Variants in DSCAML1 observed in about 807,000 individuals in gnomAD.
The protein encoded by DSCAML1 is DS cell adhesion molecule like 1.
DSCAML1 carries 38 observed loss-of-function variants against 200.5 expected under a neutral mutation model. That is an observed-to-expected ratio of 0.19 (90% CI 0.15 to 0.25). The LOEUF (loss-of-function observed/expected upper bound fraction) is 0.25, where lower values mean the gene tolerates loss of function less well. Ranked by LOEUF, DSCAML1 falls within the 10% of genes least tolerant of loss-of-function variation. DSCAML1 has a pLI of 1.00. For synonymous variants in DSCAML1, 1,215 were observed against 1,165.0 expected (o/e 1.04, Z -0.87); for missense variants, 2,223 against 2,858.8 (o/e 0.78, Z 5.07).
intron 3 of DSCAML1, among the ~76,000 whole-genome samples, chr11:117,568,970 T>G (rs1031389919): frequency 6.6e-6 from 1 of 152,104 alleles, no homozygotes; most frequent in Non-Finnish European, 1.5e-5. Context: ...CTTCAAACTA[T>G]ACTACAAGGC....
chr11:117,721,684 T>C (rs2054043378), intron 3 of DSCAML1, among the ~76,000 whole-genome samples: 1 of 147,748 alleles, frequency 6.8e-6, no homozygotes, highest in South Asian at 2.1e-4. Context: ...TATATAAGCA[T>C]ATATTTATAT....
chr11:117,511,760 ATGTTGCCTTACGGGAGGGCCC>A (rs2049622775), intron 8 of DSCAML1, among the ~76,000 whole-genome samples: 1 of 152,234 alleles, frequency 6.6e-6, no homozygotes, highest in Non-Finnish European at 1.5e-5. Context: ...GGGCTCAGGA[ATGTTGCCTTACGGGAGGGCCC>A]TGGTGGACAA....
chr11:117,759,100 G>A (rs912060612), intron 3 of DSCAML1, among the ~76,000 whole-genome samples: 2 of 152,190 alleles, frequency 1.3e-5, no homozygotes, highest in African/African-American at 4.8e-5. Context: ...ACCCTGTTGA[G>A]AATGAGACAG....
At chr11:117,814,167 T>C (rs1442712694) in intron 1 of DSCAML1, among the ~76,000 whole-genome samples, 3 of 150,670 alleles carry the variant, frequency 2.0e-5, no homozygotes, top group Non-Finnish European at 4.4e-5. Context: ...CCCCTTTGAC[T>C]GTAATTTTCC....
intron 3 of DSCAML1, among the ~76,000 whole-genome samples, chr11:117,561,536 C>T (rs1325159158): frequency 6.6e-6 from 1 of 152,222 alleles, no homozygotes; most frequent in African/African-American, 2.4e-5. Context: ...CCTTGCCTTG[C>T]TCCATCCACC....
chr11:117,688,628 C>T (rs1181861037), intron 3 of DSCAML1, among the ~76,000 whole-genome samples: 1 of 152,146 alleles, frequency 6.6e-6, no homozygotes, highest in Non-Finnish European at 1.5e-5. Flanking sequence ...TGACCTTGGG[C>T]AGGTCCCCCA....
chr11:117,810,738 C>G (rs1471980328), intron 1 of DSCAML1, among the ~76,000 whole-genome samples: 1 of 152,192 alleles, frequency 6.6e-6, no homozygotes, highest in Non-Finnish European at 1.5e-5. Flanking sequence ...TCAATTTTTC[C>G]ATCCTACAAG....
chr11:117,480,218 C>A lies in DSCAML1; in HGVS notation c.2785+225G>T, dbSNP rs2048883207. Among the ~76,000 whole-genome samples the A allele has an allele frequency of 6.6e-6, 1 of 152,220 alleles. No homozygotes were observed. Among genetic ancestry groups the A allele is most frequent in the East Asian group, 1.9e-4 (1 of 5,188 alleles). On this transcript the variant is annotated intron_variant, in intron 14 of 32. Coordinates refer to ENST00000651296, the MANE Select transcript of DSCAML1 (RefSeq NM_020693.4). The surrounding 1 kb of genome is among the most constrained non-coding windows in gnomAD (Gnocchi z 4.1). ...CAGTCCTGGAAAGGAGCTGACATCA[C>A]TACCCATCAACTGGGGGTCTCCATC...
Position 117,780,559 on chromosome 11 carries a change from C to T in DSCAML1, c.298G>A (p.Asp100Asn), listed in dbSNP as rs778963500. The T allele has an allele frequency of 6.5e-7, 1 of 1,547,714 alleles. No homozygotes were observed. Among genetic ancestry groups the T allele is most frequent in the Non-Finnish European group, 8.7e-7 (1 of 1,144,274 alleles). The change falls in exon 2 of 33, where the codon GAC (aspartate) becomes AAC (asparagine). Residue 100 changes from aspartate (D) to asparagine (N), a missense_variant. This residue lies in a region of DSCAML1 where 579 missense variants were observed against 721.5 expected (regional missense o/e 0.80). Coordinates refer to ENST00000651296, the MANE Select transcript of DSCAML1 (RefSeq NM_020693.4). This position sits in a 1 kb window ranked among gnomAD's most constrained non-coding sequence, Gnocchi z 4.8. The stretch of plus-strand genomic sequence containing the variant: ...GCGTTCTCCGCGGTGCAGAAGTAGT[C>T]ATTGTCGTGGATAAAGCTATTGAAG... ...SAFNSFIHDN[D>N]YFCTAENAAG...
At chr11:117,519,032 C>T (rs1217750893) in intron 6 of DSCAML1, among the ~76,000 whole-genome samples, 5 of 152,280 alleles carry the variant, frequency 3.3e-5, no homozygotes, top group African/African-American at 9.6e-5. Context: ...AGTCTTTTGT[C>T]TCATGGACGG....
At position 117,636,951 on chromosome 11, in the gene DSCAML1, A is replaced by G. The variant is rs146530860; in HGVS notation, c.512-104429T>C. ...GGAACTACTTCCAGAAGCTCCAGAT[A>G]AAATACACCCTGTTCATGAACACCT... On this transcript the variant is annotated intron_variant, in intron 3 of 32. Transcript: ENST00000651296. Among the ~76,000 whole-genome samples, 43 of 152,298 alleles carry G rather than the reference A, an allele frequency of 2.8e-4. 1 individual carries two copies. The highest frequency in any genetic ancestry group is 9.1e-4 in the African/African-American group (38 of 41,564).
intron 3 of DSCAML1, among the ~76,000 whole-genome samples, chr11:117,752,304 G>A (rs867957633): frequency 4.6e-5 from 7 of 152,312 alleles, no homozygotes; most frequent in East Asian, 3.9e-4. Flanking sequence ...GGGGTGGAAC[G>A]ACAATTTATG....
chr11:117,607,466 G>C (rs916386139), intron 3 of DSCAML1, among the ~76,000 whole-genome samples: 1 of 152,240 alleles, frequency 6.6e-6, no homozygotes, highest in Non-Finnish European at 1.5e-5. Flanking sequence ...ATGCACTGTT[G>C]TATCAGCCAG....
chr11:117,747,364 G>A (rs1435664376), intron 3 of DSCAML1, among the ~76,000 whole-genome samples: 1 of 152,190 alleles, frequency 6.6e-6, no homozygotes, highest in Non-Finnish European at 1.5e-5. Flanking sequence ...CTGGGCTGGG[G>A]TTGCTGAAGG....
At chr11:117,470,808 TA>T (rs1349577581) in intron 15 of DSCAML1, among the ~76,000 whole-genome samples, 1 of 152,178 alleles carries the variant, frequency 6.6e-6, no homozygotes, top group African/African-American at 2.4e-5. Flanking sequence ...TGAAAAAGCA[TA>T]AATGATATAG....
At chr11:117,741,863 C>A (rs2054428363) in intron 3 of DSCAML1, among the ~76,000 whole-genome samples, 1 of 152,162 alleles carries the variant, frequency 6.6e-6, no homozygotes, top group Non-Finnish European at 1.5e-5. Context: ...ATACCACAGG[C>A]AAAGTCCAAG....
intron 3 of DSCAML1, among the ~76,000 whole-genome samples, chr11:117,574,220 T>C (rs1007693246): frequency 2.0e-5 from 3 of 152,196 alleles, no homozygotes; most frequent in African/African-American, 4.8e-5. Flanking sequence ...GGGCAAAACC[T>C]ACCCATTTAG....
intron 3 of DSCAML1, among the ~76,000 whole-genome samples, chr11:117,599,462 G>C (rs913332101): frequency 1.3e-5 from 2 of 152,158 alleles, no homozygotes; most frequent in African/African-American, 4.8e-5. Flanking sequence ...TTTCTTTTGA[G>C]TATGAATGCC....
intron 3 of DSCAML1, among the ~76,000 whole-genome samples, chr11:117,542,887 C>A (rs1355297331): frequency 3.9e-5 from 6 of 152,222 alleles, no homozygotes; most frequent in Non-Finnish European, 8.8e-5. Flanking sequence ...AAATTCAGAG[C>A]TGTTTCCTCC....
Sources: allele counts gnomAD v4.1 joint callset (sites outside exome capture counted in the v4.1 genomes callset), GRCh38; gene constraint gnomAD v4.1.1; regional missense constraint gnomAD v4.1.1; non-coding constraint Gnocchi (gnomAD v3.1); transcripts MANE v1.5; gene names NCBI Gene and HGNC (gene_info 2026-07-23, HGNC 2026-07-21).